SRGAP2C: variants seen among roughly 807,000 people sequenced by gnomAD.
The protein encoded by SRGAP2C is SLIT-ROBO Rho GTPase activating protein 2C.
A neutral mutation model predicts 25.1 loss-of-function variants in SRGAP2C; 15 were observed. The ratio of observed to expected loss-of-function variants is 0.60; its 90% CI spans 0.40 to 0.92. The LOEUF is 0.92. Among genes scored for constraint, SRGAP2C ranks in the 40% least tolerant of loss-of-function variants. The pLI is 0.00. For synonymous variants in SRGAP2C, 44 were observed against 96.6 expected, an observed-to-expected ratio of 0.46 and a Z score of 3.19; for missense variants, 144 against 264.4, an observed-to-expected ratio of 0.54 and a Z score of 3.16.
chr1:121,287,618 A>ATG (rs1657399263), intron 3 of SRGAP2C, among the ~76,000 whole-genome samples: 1 of 152,186 alleles, frequency 6.6e-6, no homozygotes, highest in African/African-American at 2.4e-5. Context: ...TAAGGTTCAG[A>ATG]TGTGTTAATC....
At chr1:121,315,483 T>A (rs1658076661) in intron 3 of SRGAP2C, among the ~76,000 whole-genome samples, 1 of 150,188 alleles carries the variant, frequency 6.7e-6, no homozygotes, top group Non-Finnish European at 1.5e-5. Flanking sequence ...TCATCCAGAT[T>A]CCTTAAGGAC....
intron 3 of SRGAP2C, among the ~76,000 whole-genome samples, chr1:121,320,555 AG>A (rs1658178263): frequency 9.2e-5 from 12 of 130,916 alleles, no homozygotes; most frequent in African/African-American, 3.2e-4. Context: ...TCAGTCAATG[AG>A]AACAATGAGG....
chr1:121,267,430 G>A (rs1174689457), intron 2 of SRGAP2C, among the ~76,000 whole-genome samples: 2 of 149,844 alleles, frequency 1.3e-5, no homozygotes, highest in African/African-American at 2.5e-5. Flanking sequence ...GGCCTCAAGT[G>A]ATCTGCCTGC....
chr1:121,372,318 A>G (rs1228532026), intron 5 of SRGAP2C, among the ~76,000 whole-genome samples: 4 of 152,142 alleles, frequency 2.6e-5, no homozygotes, highest in Non-Finnish European at 4.4e-5. Flanking sequence ...CATTTGGGCC[A>G]GATAATTAAT....
chr1:121,367,835 G>A (rs1465126746), intron 5 of SRGAP2C, among the ~76,000 whole-genome samples: 1 of 143,556 alleles, frequency 7.0e-6, no homozygotes, highest in Non-Finnish European at 1.5e-5. Flanking sequence ...AGCACTTTGG[G>A]AGGCTGAGGC....
chr1:121,304,943 A>G (rs1216881820), intron 3 of SRGAP2C, among the ~76,000 whole-genome samples: 1 of 152,172 alleles, frequency 6.6e-6, no homozygotes, highest in Non-Finnish European at 1.5e-5. Context: ...ACTAAAAAAG[A>G]TGGCGCAGAT....
At chr1:121,362,733 T>C (rs1456543852) in intron 4 of SRGAP2C, 3 of 148,256 alleles carry the variant, frequency 2.0e-5, no homozygotes, top group Non-Finnish European at 4.5e-5. Flanking sequence ...TCAGAGTGAG[T>C]CATGTTGCCT....
chr1:121,223,996 G>A (rs1416624557), intron 2 of SRGAP2C, among the ~76,000 whole-genome samples: 1 of 151,700 alleles, frequency 6.6e-6, no homozygotes, highest in African/African-American at 2.4e-5. Context: ...TTTTACAGAG[G>A]CCGCTTGGCC....
intron 7 of SRGAP2C, among the ~76,000 whole-genome samples, chr1:121,378,244 GTAAC>G (rs1553353858): frequency 3.5e-5 from 3 of 86,034 alleles, no homozygotes; most frequent in Admixed American, 1.2e-4. Context: ...TTTACATACA[GTAAC>G]TAAACTTAAG....
chr1:121,374,782 C>T (rs1187600964), intron 6 of SRGAP2C, 44 bp from the exon 7 acceptor site: 2 of 757,258 alleles, frequency 2.6e-6, no homozygotes, highest in East Asian at 5.0e-5. Flanking sequence ...AACAAGCCCC[C>T]CTTTAAAAAA....
At chr1:121,307,800 G>GA (rs1657878051) in intron 3 of SRGAP2C, among the ~76,000 whole-genome samples, 1 of 151,808 alleles carries the variant, frequency 6.6e-6, no homozygotes, top group African/African-American at 2.4e-5. Context: ...AGAAGGCAGA[G>GA]AAGGGGTTAA....
intron 2 of SRGAP2C, among the ~76,000 whole-genome samples, chr1:121,218,903 G>T (rs1261263743): frequency 4.0e-5 from 6 of 151,608 alleles, no homozygotes; most frequent in Admixed American, 3.9e-4. Flanking sequence ...CAGTTTAAGT[G>T]AACCAAGTTC....
intron 3 of SRGAP2C, among the ~76,000 whole-genome samples, chr1:121,297,021 C>T (rs1204178995): frequency 1.3e-5 from 2 of 151,780 alleles, no homozygotes; most frequent in Admixed American, 6.6e-5. Flanking sequence ...GCGTCACTCA[C>T]TCATTTTGGA....
intron 4 of SRGAP2C, among the ~76,000 whole-genome samples, chr1:121,328,903 A>C (rs1394450203): frequency 1.4e-4 from 15 of 108,180 alleles, no homozygotes; most frequent in South Asian, 2.9e-4. Flanking sequence ...AAAAAAAAAA[A>C]AACAAAAAAC....
intron 3 of SRGAP2C, among the ~76,000 whole-genome samples, chr1:121,308,651 A>AT (rs1253679938): frequency 6.6e-6 from 1 of 152,044 alleles, no homozygotes; most frequent in Non-Finnish European, 1.5e-5. Flanking sequence ...TGCAAAAAAA[A>AT]GTATGGGCCG....
chr1:121,287,563 A>G (rs1347607021), intron 3 of SRGAP2C, among the ~76,000 whole-genome samples: 1 of 151,920 alleles, frequency 6.6e-6, no homozygotes, highest in Non-Finnish European at 1.5e-5. Flanking sequence ...TTTGATTTTT[A>G]GTACTATATC....
intron 2 of SRGAP2C, among the ~76,000 whole-genome samples, chr1:121,279,534 T>G (rs1371452563): frequency 6.6e-6 from 1 of 151,758 alleles, no homozygotes; most frequent in Non-Finnish European, 1.5e-5. Flanking sequence ...ATGATCAGTA[T>G]CCTATTAGGG....
chr1:121,257,355 C>T (rs587720136), intron 2 of SRGAP2C, among the ~76,000 whole-genome samples: 1 of 150,130 alleles, frequency 6.7e-6, no homozygotes, highest in South Asian at 2.1e-4. Context: ...ACCTCGTGAT[C>T]CACCAGCCTG....
intron 3 of SRGAP2C, among the ~76,000 whole-genome samples, chr1:121,296,309 G>A (rs1180100921): frequency 6.6e-6 from 1 of 151,216 alleles, no homozygotes; most frequent in African/African-American, 2.4e-5. Flanking sequence ...ATTTCCAATA[G>A]TAAGAGTTTA....
Sources: allele counts gnomAD v4.1 joint callset (sites outside exome capture counted in the v4.1 genomes callset), GRCh38; gene constraint gnomAD v4.1.1; transcripts MANE v1.5; gene names NCBI Gene and HGNC (gene_info 2026-07-23, HGNC 2026-07-21).